Variants in SLC25A21 observed in about 807,000 individuals in gnomAD.
SLC25A21 encodes solute carrier family 25 member 21.
A neutral mutation model predicts 43.8 loss-of-function variants in SLC25A21; 47 were observed. The observed-to-expected ratio is 1.07, with a 90% CI of 0.85 to 1.37. The LOEUF (loss-of-function observed/expected upper bound fraction) is 1.37. SLC25A21 is among the 40% of genes most tolerant of loss of function. SLC25A21 has a pLI of 0.00. For synonymous variants in SLC25A21, 131 were observed against 121.3 expected, an observed-to-expected ratio of 1.08 and a Z score of -0.52; for missense variants, 352 against 350.2, an observed-to-expected ratio of 1.00 and a Z score of -0.04.
intron 1 of SLC25A21, among the ~76,000 whole-genome samples, chr14:36,914,689 A>G (rs964330347): frequency 2.0e-5 from 3 of 152,182 alleles, no homozygotes; most frequent in Non-Finnish European, 2.9e-5. Context: ...AAGTGCAAAC[A>G]TTTGCAAATA....
At chr14:37,134,366 A>C (rs2138910310) in intron 1 of SLC25A21, among the ~76,000 whole-genome samples, 1 of 152,322 alleles carries the variant, frequency 6.6e-6, no homozygotes, top group Middle Eastern at 3.4e-3. Flanking sequence ...CCTCTAAGTA[A>C]AATAATTATC....
At chr14:36,950,425 T>C (rs1327237114) in intron 1 of SLC25A21, among the ~76,000 whole-genome samples, 1 of 152,130 alleles carries the variant, frequency 6.6e-6, no homozygotes, top group Non-Finnish European at 1.5e-5. Flanking sequence ...ATACCGAAGA[T>C]ATATTTCTTC....
intron 1 of SLC25A21, among the ~76,000 whole-genome samples, chr14:37,113,853 C>CA (rs34321762): frequency 0.14 from 16,409 of 119,340 alleles, 2,759 homozygotes; most frequent in African/African-American, 0.38. Flanking sequence ...GACTCTGTCT[C>CA]AAAAAAAAAA....
chr14:37,082,702 T>C (rs1306716120), intron 1 of SLC25A21, among the ~76,000 whole-genome samples: 1 of 152,228 alleles, frequency 6.6e-6, no homozygotes, highest in Non-Finnish European at 1.5e-5. Flanking sequence ...TTTTCCCATG[T>C]GGAAATCAGA....
At chr14:37,040,038 T>C (rs997335246) in intron 1 of SLC25A21, among the ~76,000 whole-genome samples, 4 of 106,130 alleles carry the variant, frequency 3.8e-5, no homozygotes, top group Admixed American at 8.4e-5. Flanking sequence ...CTACTAAAAA[T>C]ATAAAAAAAA....
chr14:36,797,528 A>G (rs144347735), intron 3 of SLC25A21, among the ~76,000 whole-genome samples: 1 of 152,372 alleles, frequency 6.6e-6, no homozygotes, highest in East Asian at 1.9e-4. Flanking sequence ...AAAAGTTTAT[A>G]TTATAAGCAG....
chr14:37,029,511 T>A (rs2138765701), intron 1 of SLC25A21, among the ~76,000 whole-genome samples: 1 of 152,220 alleles, frequency 6.6e-6, no homozygotes, highest in Middle Eastern at 3.4e-3. Flanking sequence ...AATTTCTGAG[T>A]CAAAATATAA....
chr14:36,696,338 A>G (rs986117830), intron 7 of SLC25A21, among the ~76,000 whole-genome samples: 4 of 152,208 alleles, frequency 2.6e-5, no homozygotes, highest in African/African-American at 9.6e-5. Context: ...TTTTGCATCA[A>G]TGTTCATCAG....
intron 1 of SLC25A21, among the ~76,000 whole-genome samples, chr14:37,022,949 A>C (rs1300477425): frequency 6.6e-6 from 1 of 152,040 alleles, no homozygotes; most frequent in African/African-American, 2.4e-5. Flanking sequence ...AGGTTTTAGG[A>C]GATAACCTAA....
intron 1 of SLC25A21, chr14:37,172,038 C>T (rs997424804): frequency 4.2e-5 from 23 of 547,036 alleles, no homozygotes; most frequent in Middle Eastern, 4.8e-4. Context: ...CGGACAATGC[C>T]GGGAACCCGA....
chr14:36,802,592 C>T (rs750195737), intron 3 of SLC25A21, among the ~76,000 whole-genome samples: 1 of 152,122 alleles, frequency 6.6e-6, no homozygotes, highest in Non-Finnish European at 1.5e-5. Flanking sequence ...GAATTCTAAT[C>T]CAGGTCTCTT....
At position 37,172,371 on chromosome 14, in the gene SLC25A21, A is replaced by C. The variant is rs747737102; in HGVS notation, c.-21T>G. 7.6e-6 allele frequency: 12 copies of C among 1,587,006 alleles called. No homozygotes were observed. In the African/African-American group the frequency reaches 9.4e-5, roughly 12 times the overall value. Reference sequence around the variant, plus strand: ...GACATCTTCGCCAGGCGGGAGGACAAGGGAGTGGGCTGAGATGCGTCAACG... The same window carrying C: ...GACATCTTCGCCAGGCGGGAGGACACGGGAGTGGGCTGAGATGCGTCAACG... On this transcript the variant is annotated 5_prime_UTR_variant, in exon 1 of 10. Coordinates refer to ENST00000331299, the MANE Select transcript of SLC25A21 (RefSeq NM_030631.4).
chr14:36,871,779 A>G (rs1890379713), intron 2 of SLC25A21, among the ~76,000 whole-genome samples: 1 of 152,244 alleles, frequency 6.6e-6, no homozygotes, highest in South Asian at 2.1e-4. Flanking sequence ...ACATGAACCC[A>G]AACCTTACTT....
chr14:36,915,626 T>TC (rs1008575872), intron 1 of SLC25A21, among the ~76,000 whole-genome samples: 4 of 152,038 alleles, frequency 2.6e-5, no homozygotes, highest in African/African-American at 9.7e-5. Context: ...ACATGTGCCT[T>TC]CCCCCAGTGG....
chr14:36,763,937 G>A (rs1300072291), intron 3 of SLC25A21, among the ~76,000 whole-genome samples: 2 of 150,588 alleles, frequency 1.3e-5, no homozygotes, highest in Admixed American at 6.7e-5. Flanking sequence ...GGTGAGGCAG[G>A]AGAATTGCTT....
At chr14:36,722,152 C>T (rs1594522691) in intron 6 of SLC25A21, among the ~76,000 whole-genome samples, 2 of 152,072 alleles carry the variant, frequency 1.3e-5, no homozygotes, top group South Asian at 4.2e-4. Context: ...AAAATATACA[C>T]CAGATTTTTA....
intron 1 of SLC25A21, among the ~76,000 whole-genome samples, chr14:37,008,079 G>A (rs1960648087): frequency 6.6e-6 from 1 of 151,984 alleles, no homozygotes; most frequent in African/African-American, 2.4e-5. Context: ...TAACCATGTT[G>A]GCTAGGCTGG....
chr14:36,797,195 C>T (rs1458530780), intron 3 of SLC25A21, among the ~76,000 whole-genome samples: 1 of 152,156 alleles, frequency 6.6e-6, no homozygotes, highest in Non-Finnish European at 1.5e-5. Flanking sequence ...GTTAATCTAA[C>T]AATAGTTTGA....
rs144018767 is a variant in SLC25A21, at chr14:36,982,158, T to G, written c.71-107154A>C. On this transcript the variant is annotated intron_variant, in intron 1 of 9. Transcript: ENST00000331299. ...TTACAAGTAAAAGTTCAGCACCAAA[T>G]TATAGAACAGATTTCAGAATAGAAT... Among the ~76,000 whole-genome samples the G allele has an allele frequency of 1.4e-3, 217 of 152,320 alleles. 1 individual carries two copies. The highest frequency in any genetic ancestry group is 2.2e-3 in the Non-Finnish European group (152 of 68,028).
Sources: gnomAD v4.1 joint callset for allele counts (sites outside exome capture counted in the v4.1 genomes callset) on GRCh38, gnomAD v4.1.1 for gene constraint, MANE v1.5 for transcripts, NCBI Gene and HGNC (gene_info 2026-07-23, HGNC 2026-07-21) for gene names.